The following PUS7 variants were observed in gnomAD, a reference collection of about 807,000 sequenced individuals.
The protein encoded by PUS7 is pseudouridine synthase 7, also known as pseudouridylate synthase 7 homolog.
In PUS7, 48 loss-of-function variants were observed where a neutral mutation model predicts 79.8. The observed-to-expected ratio is 0.60, with a 90% confidence interval of 0.48 to 0.76. The LOEUF is 0.76. PUS7 is among the 30% of genes least tolerant of loss of function. The pLI, the probability that PUS7 is intolerant of heterozygous loss-of-function variation, is 0.00. For synonymous variants in PUS7, 286 were observed against 272.2 expected (o/e 1.05, Z -0.50); for missense variants, 729 against 797.6 (o/e 0.91, Z 1.04).
At chr7:105,473,292 T>C (rs1013545944) in intron 9 of PUS7, among the ~76,000 whole-genome samples, 1 of 152,040 alleles carries the variant, frequency 6.6e-6, no homozygotes, top group Admixed American at 6.6e-5. Flanking sequence ...CTCTGTTGTC[T>C]AGGCTGGAAT....
At chr7:105,479,889 G>A (rs1166821039) in intron 9 of PUS7, among the ~76,000 whole-genome samples, 2 of 152,070 alleles carry the variant, frequency 1.3e-5, no homozygotes, top group East Asian at 1.9e-4. Flanking sequence ...TCCCAGTTAC[G>A]TGGGAGGCTG....
chr7:105,484,450 A>C (rs1370455605), intron 7 of PUS7, among the ~76,000 whole-genome samples: 1 of 151,780 alleles, frequency 6.6e-6, no homozygotes, highest in East Asian at 1.9e-4. Context: ...TCCCATCTCT[A>C]AAATTAAAAC....
At chr7:105,490,255 A>G (rs1461473020) in intron 7 of PUS7, among the ~76,000 whole-genome samples, 1 of 152,162 alleles carries the variant, frequency 6.6e-6, no homozygotes, top group Non-Finnish European at 1.5e-5. Flanking sequence ...TGACATGTGT[A>G]TAAGCCCATG....
At chr7:105,505,126 A>C (rs1377477937) in intron 4 of PUS7, among the ~76,000 whole-genome samples, 1 of 150,986 alleles carries the variant, frequency 6.6e-6, no homozygotes, top group Non-Finnish European at 1.5e-5. Context: ...TCAGCCTCCC[A>C]AGTAGCTGGG....
At chr7:105,484,978 C>T (rs1701747975) in intron 7 of PUS7, among the ~76,000 whole-genome samples, 1 of 150,564 alleles carries the variant, frequency 6.6e-6, no homozygotes, top group Admixed American at 6.6e-5. Flanking sequence ...TTATCCTGCC[C>T]TGGCTTCCTG....
intron 5 of PUS7, among the ~76,000 whole-genome samples, chr7:105,499,936 A>T (rs1308374168): frequency 6.6e-6 from 1 of 152,218 alleles, no homozygotes; most frequent in Non-Finnish European, 1.5e-5. Flanking sequence ...TTTGGATACC[A>T]GCTCTTCCTC....
At position 105,508,148 on chromosome 7, in the gene PUS7, G is replaced by A. The variant is rs1232836098; in HGVS notation, c.365C>T (p.Ser122Phe). The part of the protein sequence containing the change: ...ADVGITKFVS[S>F]HQGFSGILKE... Reference sequence around the variant, plus strand: ...TAAGATTCCCGAGAACCCTTGATGAGAACTCACAAACTTGGTGATGCCTAC... The same window carrying A: ...TAAGATTCCCGAGAACCCTTGATGAAAACTCACAAACTTGGTGATGCCTAC... Residue 122 changes from serine to phenylalanine, a missense_variant, in exon 2 of 16, where the codon TCT (serine) becomes TTT (phenylalanine). Transcript: ENST00000469408. 6.2e-7 allele frequency: 1 copy of A among 1,614,010 alleles called. No individual in the cohort carries two copies.
At chr7:105,464,384 T>A (rs1823553535) in intron 13 of PUS7, among the ~76,000 whole-genome samples, 1 of 152,110 alleles carries the variant, frequency 6.6e-6, no homozygotes, top group African/African-American at 2.4e-5. Context: ...GTGCCAGCTG[T>A]GTCGGTGAGG....
chr7:105,484,636 T>G (rs1824470406), intron 7 of PUS7, among the ~76,000 whole-genome samples: 1 of 151,544 alleles, frequency 6.6e-6, no homozygotes, highest in African/African-American at 2.4e-5. Context: ...CTGGCCAATA[T>G]GGTGAAACCC....
intron 7 of PUS7, among the ~76,000 whole-genome samples, chr7:105,484,321 A>G (rs117014442): frequency 1.3e-5 from 2 of 152,198 alleles, no homozygotes; most frequent in East Asian, 3.9e-4. Flanking sequence ...CTGTAAATAA[A>G]AACTATGTAG....
intron 9 of PUS7, among the ~76,000 whole-genome samples, chr7:105,477,743 A>C (rs1824172142): frequency 6.6e-6 from 1 of 150,868 alleles, no homozygotes; most frequent in Non-Finnish European, 1.5e-5. Flanking sequence ...GTCACTCCCC[A>C]TTGGTCCTGT....
chr7:105,507,496 T>A (rs919517053), intron 2 of PUS7, among the ~76,000 whole-genome samples: 1 of 152,104 alleles, frequency 6.6e-6, no homozygotes, highest in Non-Finnish European at 1.5e-5. Flanking sequence ...TTTAAGATTA[T>A]AAAACAAACT....
intron 9 of PUS7, among the ~76,000 whole-genome samples, chr7:105,473,292 T>A (rs1013545944): frequency 7.9e-5 from 12 of 152,040 alleles, no homozygotes. Flanking sequence ...CTCTGTTGTC[T>A]AGGCTGGAAT....
chr7:105,496,364 C>T (rs1044308996), intron 5 of PUS7, among the ~76,000 whole-genome samples: 1 of 151,244 alleles, frequency 6.6e-6, no homozygotes, highest in African/African-American at 2.4e-5. Context: ...AGACGCTGTA[C>T]AATAACATTC....
chr7:105,476,123 CAAAAAAAAAAAA>C (rs958626613), intron 9 of PUS7, among the ~76,000 whole-genome samples: 2 of 39,174 alleles, frequency 5.1e-5, no homozygotes, highest in African/African-American at 1.3e-4. Flanking sequence ...GACTCCGTCT[CAAAAAAAAAAAA>C]AAAAAAAAAA....
In PUS7 at chr7:105,522,223, G is replaced by C. The variant is rs969851976; in HGVS notation, c.-204C>G. The C allele has an allele frequency of 6.6e-6, 1 of 151,920 alleles. No individual in the cohort carries two copies. Among genetic ancestry groups the C allele is most frequent in the East Asian group, 1.9e-4 (1 of 5,164 alleles). The allele number at this position is 151,920 out of a possible 1,614,324, so 9.4% of individuals were successfully genotyped here. On this transcript the variant is annotated 5_prime_UTR_variant, in exon 1 of 16. Coordinates refer to ENST00000469408, the MANE Select transcript of PUS7 (RefSeq NM_019042.5). ...CAGATGCGCTCCAGCCGACTCACCG[G>C]CGGCCGGGCTCGCACACGTGCGGCG...
At chr7:105,519,152 C>T (rs1826007665) in intron 1 of PUS7, among the ~76,000 whole-genome samples, 1 of 152,158 alleles carries the variant, frequency 6.6e-6, no homozygotes, top group Non-Finnish European at 1.5e-5. Flanking sequence ...CATCTTTCCT[C>T]CATCCCCTGC....
chr7:105,502,312 C>T, intron 5 of PUS7, 108 bp downstream of exon 5: 1 of 1,343,102 alleles, frequency 7.4e-7, no homozygotes, highest in Non-Finnish European at 1.0e-6. Context: ...ATATTGTTCT[C>T]TGAGCAGCAC....
rs2079856781 is a variant in PUS7, at chr7:105,459,649, G to T, written c.1758-390C>A. The stretch of plus-strand genomic sequence containing the variant: ...GATGGGGTTTCACTATGTTGGCCAG[G>T]GAGGTCTCAAACTCCTGACCTCAGG... On this transcript the variant is annotated intron_variant, in intron 14 of 15. Transcript: ENST00000469408. Among the ~76,000 whole-genome samples the T allele has an allele frequency of 3.3e-5, 5 of 151,892 alleles. No homozygotes were observed. The South Asian group carries it at 1.0e-3, about 32-fold the overall frequency.
Sources: allele counts gnomAD v4.1 joint callset (sites outside exome capture counted in the v4.1 genomes callset), GRCh38; gene constraint gnomAD v4.1.1; transcripts MANE v1.5; gene names NCBI Gene and HGNC (gene_info 2026-07-23, HGNC 2026-07-21).